Variants in DLGAP2 observed in about 807,000 individuals in gnomAD.
DLGAP2 encodes DLG associated protein 2.
Under a neutral mutation model 100.3 loss-of-function variants are expected in DLGAP2, and 26 were observed. The observed-to-expected ratio is 0.26, with a 90% confidence interval of 0.19 to 0.36. The LOEUF is 0.36. Ranked by LOEUF, DLGAP2 falls within the 10% of genes least tolerant of loss-of-function variation. The pLI is 1.00. For synonymous variants in DLGAP2, 886 were observed against 630.1 expected, an observed-to-expected ratio of 1.41 and a Z score of -6.08; for missense variants, 1,858 against 1,453.2, an observed-to-expected ratio of 1.28 and a Z score of -4.53.
intron 3 of DLGAP2, among the ~76,000 whole-genome samples, chr8:1,457,975 C>CATATATATATATATAT (rs57897392): frequency 1.4e-4 from 15 of 107,732 alleles, no homozygotes; most frequent in East Asian, 4.7e-4. Context: ...GTTCTCTGAT[C>CATATATATATATATAT]ATATATATAT....
At chr8:988,849 A>T (rs1245524280) in intron 2 of DLGAP2, among the ~76,000 whole-genome samples, 1 of 152,106 alleles carries the variant, frequency 6.6e-6, no homozygotes, top group Admixed American at 6.5e-5. Context: ...CACTGGTGGC[A>T]CTGCTGTCCC....
intron 3 of DLGAP2, among the ~76,000 whole-genome samples, chr8:1,451,901 C>T (rs1351896367): frequency 6.6e-6 from 1 of 152,268 alleles, no homozygotes; most frequent in Non-Finnish European, 1.5e-5. Context: ...GGCTCCCACA[C>T]ACACGGCCCA....
At position 1,646,139 on chromosome 8, in the gene DLGAP2, C is replaced by CG. The variant is rs1264231059; in HGVS notation, c.1810+13094dup. Among the ~76,000 whole-genome samples the CG allele has an allele frequency of 1.1e-4, 17 of 151,984 alleles. No individual in the cohort carries two copies. The East Asian group carries it at 2.9e-3, about 26-fold the overall frequency. ...TGAGGTTAGCATTTGGAGGGGTGGA[C>CG]GAGGTGAAGCAGATGCTTTCCCCAG... On this transcript the variant is annotated intron_variant, in intron 8 of 14. Transcript: ENST00000637795.
chr8:1,630,916 G>A (rs1297631239), intron 7 of DLGAP2, among the ~76,000 whole-genome samples: 8 of 148,960 alleles, frequency 5.4e-5, no homozygotes, highest in Admixed American at 1.3e-4. Flanking sequence ...GGGTCTGGGC[G>A]GGAGGTCCGG....
chr8:1,599,224 C>G (rs1053491746), intron 6 of DLGAP2, among the ~76,000 whole-genome samples: 2 of 152,066 alleles, frequency 1.3e-5, no homozygotes, highest in Non-Finnish European at 2.9e-5. Context: ...GCACTGTGGT[C>G]GGAGAGACTG....
chr8:1,364,216 C>T (rs548203291), intron 3 of DLGAP2, among the ~76,000 whole-genome samples: 110 of 152,318 alleles, frequency 7.2e-4, no homozygotes, highest in African/African-American at 2.5e-3. Context: ...ACGGTGCCCC[C>T]GGGCTGGATC....
intron 3 of DLGAP2, among the ~76,000 whole-genome samples, chr8:1,496,674 G>A (rs1799555553): frequency 6.6e-6 from 1 of 152,182 alleles, no homozygotes; most frequent in Admixed American, 6.5e-5. Flanking sequence ...TGGGCCACAG[G>A]GGAGCAGGAC....
chr8:953,060 G>T (rs1445037255), intron 2 of DLGAP2, among the ~76,000 whole-genome samples: 2 of 152,198 alleles, frequency 1.3e-5, no homozygotes, highest in African/African-American at 4.8e-5. Context: ...AATGCTGACA[G>T]ATCCTATACA....
At chr8:1,680,655 CG>C (rs1798923006) in intron 12 of DLGAP2, 2 of 152,222 alleles carry the variant, frequency 1.3e-5, no homozygotes, top group African/African-American at 4.8e-5. Context: ...AGCCGTGTTC[CG>C]ATCGTTCACA....
chr8:1,274,978 G>A (rs936745266), intron 3 of DLGAP2, among the ~76,000 whole-genome samples: 2 of 152,052 alleles, frequency 1.3e-5, no homozygotes, highest in African/African-American at 4.8e-5. Context: ...TGCTGTGTCC[G>A]CAGTCCCAGC....
chr8:783,014 C>G (rs558430726), intron 1 of DLGAP2, among the ~76,000 whole-genome samples: 2 of 152,142 alleles, frequency 1.3e-5, no homozygotes, highest in Non-Finnish European at 2.9e-5. Flanking sequence ...AACCAGTGAC[C>G]GCATGACCGC....
intron 3 of DLGAP2, among the ~76,000 whole-genome samples, chr8:1,307,916 G>A (rs927989848): frequency 8.6e-5 from 13 of 150,686 alleles, no homozygotes; most frequent in Non-Finnish European, 1.3e-4. Flanking sequence ...TTTCACATGA[G>A]GAAAAGGACG....
chr8:763,407 A>C (rs2132593875), intron 1 of DLGAP2, among the ~76,000 whole-genome samples: 1 of 152,252 alleles, frequency 6.6e-6, no homozygotes, highest in Non-Finnish European at 1.5e-5. Context: ...CTGAAGGGGG[A>C]GCTTCACTGT....
intron 1 of DLGAP2, among the ~76,000 whole-genome samples, chr8:760,113 CG>C (rs1554557032): frequency 6.6e-6 from 1 of 152,190 alleles, no homozygotes; most frequent in Non-Finnish European, 1.5e-5. Context: ...TGCACACTGA[CG>C]GTTTTCTTTC....
At chr8:947,961 C>T (rs1226917827) in intron 2 of DLGAP2, among the ~76,000 whole-genome samples, 2 of 109,006 alleles carry the variant, frequency 1.8e-5, no homozygotes, top group Non-Finnish European at 2.2e-5. Flanking sequence ...TGCCAGCCCG[C>T]GTGCGCCATG....
At chr8:1,052,320 C>T (rs929889401) in intron 2 of DLGAP2, among the ~76,000 whole-genome samples, 1 of 152,216 alleles carries the variant, frequency 6.6e-6, no homozygotes, top group Non-Finnish European at 1.5e-5. Flanking sequence ...CATGCAAAAC[C>T]ATGCCAAATG....
chr8:1,595,612 AGCCGAGATTGC>A (rs574942587), intron 6 of DLGAP2, among the ~76,000 whole-genome samples: 2,446 of 147,646 alleles, frequency 0.017, 28 homozygotes, highest in Non-Finnish European at 0.025. Context: ...GCTTGCAGTG[AGCCGAGATTGC>A]GCCACTGCAG....
At chr8:1,548,181 C>G (rs1012102211) in intron 4 of DLGAP2, among the ~76,000 whole-genome samples, 2 of 152,062 alleles carry the variant, frequency 1.3e-5, no homozygotes, top group Non-Finnish European at 2.9e-5. Context: ...ACTGCCTGGC[C>G]GGGTGTCCTG....
chr8:912,796 T>C (rs1268946398), intron 2 of DLGAP2, among the ~76,000 whole-genome samples: 2 of 148,526 alleles, frequency 1.3e-5, no homozygotes, highest in Non-Finnish European at 1.5e-5. Flanking sequence ...CGTTCCTCTC[T>C]GTGGAGCCGG....
Sources: allele counts gnomAD v4.1 joint callset (sites outside exome capture counted in the v4.1 genomes callset), GRCh38; gene constraint gnomAD v4.1.1; transcripts MANE v1.5; gene names NCBI Gene and HGNC (gene_info 2026-07-23, HGNC 2026-07-21).